ADGRB3: variants seen among roughly 807,000 people sequenced by gnomAD.
ADGRB3 encodes the protein brain-specific angiogenesis inhibitor 3.
Under a neutral mutation model 193.4 loss-of-function variants are expected in ADGRB3, and 37 were observed. The ratio of observed to expected loss-of-function variants is 0.19; its 90% CI spans 0.15 to 0.25. The LOEUF (loss-of-function observed/expected upper bound fraction) is 0.25, where lower values mean the gene tolerates loss of function less well. Among genes scored for constraint, ADGRB3 ranks in the 10% least tolerant of loss-of-function variants. The probability of loss-of-function intolerance (pLI) is 1.00; values close to 1 mark genes in which losing one functional copy is unlikely to be tolerated. For missense variants in ADGRB3, 1,637 were observed against 1,852.9 expected, an observed-to-expected ratio of 0.88 and a Z score of 2.14; for synonymous variants, 690 against 644.2, an observed-to-expected ratio of 1.07 and a Z score of -1.08.
chr6:69,000,783 AT>A (rs1349954089), intron 11 of ADGRB3, among the ~76,000 whole-genome samples: 1 of 152,222 alleles, frequency 6.6e-6, no homozygotes, highest in Admixed American at 6.5e-5. Context: ...GGTGCTGTGC[AT>A]TTTAGTTTCA....
At chr6:68,789,657 CT>C (rs949876784) in intron 3 of ADGRB3, among the ~76,000 whole-genome samples, 21 of 152,104 alleles carry the variant, frequency 1.4e-4, no homozygotes, top group African/African-American at 4.8e-4. Flanking sequence ...CGATGAGTAT[CT>C]TTGTGGCATT....
chr6:69,301,488 G>T (rs534095061), intron 20 of ADGRB3, among the ~76,000 whole-genome samples: 9 of 151,732 alleles, frequency 5.9e-5, no homozygotes, highest in Non-Finnish European at 1.0e-4. Flanking sequence ...CAAGTAAATT[G>T]CATATTGCAT....
rs987425047 is a variant in ADGRB3 at position 68,860,165 on chromosome 6, A to T, written c.758-70394A>T. Among the ~76,000 whole-genome samples, 3 of 152,268 alleles carry T rather than the reference A, an allele frequency of 2.0e-5. No individual in the cohort carries two copies. The South Asian group carries it at 6.2e-4, about 32-fold the overall frequency. On this transcript the variant is annotated intron_variant, in intron 3 of 31. Coordinates refer to ENST00000370598, the MANE Select transcript of ADGRB3 (RefSeq NM_001704.3). ...TATGTTGTGTTATGCTGTTCTATAT[A>T]TGCATAAAAAGAAAATCAAGCCTCA...
chr6:69,143,737 T>A (rs996721246), intron 17 of ADGRB3, among the ~76,000 whole-genome samples: 1 of 152,138 alleles, frequency 6.6e-6, no homozygotes, highest in African/African-American at 2.4e-5. Context: ...CTCCATTGGT[T>A]TATGTGTCTG....
chr6:68,677,521 CTTTTTTTT>C lies in ADGRB3; in HGVS notation c.757+38099_757+38106del, dbSNP rs1002070733. Among the ~76,000 whole-genome samples, 25 of 120,318 alleles carry C rather than the reference CTTTTTTTT, an allele frequency of 2.1e-4. 1 individual carries two copies. Among genetic ancestry groups the C allele is most frequent in the Admixed American group, 1.7e-3 (19 of 10,872 alleles). The allele number at this position is 120,318 out of a possible 152,430, so 78.9% of individuals were successfully genotyped here. ...ATTTTTTTCTTTTTTTTCTTTTTTTCTTTTTTTTTTTTTTTTTGACAGGTCTCACTCTG... is the reference window on the plus strand; with the variant it reads ...ATTTTTTTCTTTTTTTTCTTTTTTTCTTTTTTTTTGACAGGTCTCACTCTG... On this transcript the variant is annotated intron_variant, in intron 3 of 31. Coordinates refer to ENST00000370598, the MANE Select transcript of ADGRB3 (RefSeq NM_001704.3).
At chr6:68,910,019 C>A (rs1253756819) in intron 3 of ADGRB3, among the ~76,000 whole-genome samples, 3 of 152,202 alleles carry the variant, frequency 2.0e-5, no homozygotes, top group Non-Finnish European at 4.4e-5. Context: ...TACAGTCCCA[C>A]CAACAGTGTA....
At chr6:69,376,713 C>CT (rs936208919) in intron 30 of ADGRB3, among the ~76,000 whole-genome samples, 2 of 152,022 alleles carry the variant, frequency 1.3e-5, no homozygotes, top group African/African-American at 4.8e-5. Flanking sequence ...AAAGAAATGT[C>CT]TTGTTCATAA....
intron 3 of ADGRB3, among the ~76,000 whole-genome samples, chr6:68,734,929 A>T (rs578085428): frequency 2.0e-5 from 3 of 152,066 alleles, no homozygotes; most frequent in Non-Finnish European, 4.4e-5. Context: ...TCTACTAGGG[A>T]TTTCAGCACT....
At chr6:68,731,105 T>C (rs1431388773) in intron 3 of ADGRB3, among the ~76,000 whole-genome samples, 1 of 151,666 alleles carries the variant, frequency 6.6e-6, no homozygotes, top group Admixed American at 6.6e-5. Flanking sequence ...GCAAAAGATA[T>C]ATAAGTTCTT....
At chr6:68,677,720 T>C (rs1401934757) in intron 3 of ADGRB3, among the ~76,000 whole-genome samples, 1 of 151,906 alleles carries the variant, frequency 6.6e-6, no homozygotes, top group African/African-American at 2.4e-5. Flanking sequence ...AGTTTCACCA[T>C]GTTGGTCAGG....
At chr6:69,101,544 A>C (rs1773056187) in intron 17 of ADGRB3, among the ~76,000 whole-genome samples, 1 of 151,578 alleles carries the variant, frequency 6.6e-6, no homozygotes, top group African/African-American at 2.4e-5. Flanking sequence ...GAAATTGCTT[A>C]GTTTTTATTT....
At chr6:68,895,648 A>G (rs1766199066) in intron 3 of ADGRB3, among the ~76,000 whole-genome samples, 1 of 152,034 alleles carries the variant, frequency 6.6e-6, no homozygotes, top group African/African-American at 2.4e-5. Context: ...CAGTGTGCCA[A>G]TTGTTCAGAT....
chr6:69,302,339 G>A (rs779157983), intron 20 of ADGRB3, among the ~76,000 whole-genome samples: 6 of 151,870 alleles, frequency 4.0e-5, no homozygotes, highest in African/African-American at 9.7e-5. Flanking sequence ...ACCAGCTGCC[G>A]GTCTTTTGGT....
At chr6:68,950,484 G>T (rs191365272) in intron 6 of ADGRB3, among the ~76,000 whole-genome samples, 122 of 152,146 alleles carry the variant, frequency 8.0e-4, no homozygotes, top group African/African-American at 2.7e-3. Flanking sequence ...TTAAACAAAG[G>T]TTATTTATTG....
intron 3 of ADGRB3, among the ~76,000 whole-genome samples, chr6:68,926,634 G>A: frequency 6.6e-6 from 1 of 152,134 alleles, no homozygotes; most frequent in East Asian, 1.9e-4. Context: ...ACAATGTGAA[G>A]TAGTATTTCC....
At chr6:69,297,322 A>G (rs1198928204) in intron 20 of ADGRB3, among the ~76,000 whole-genome samples, 1 of 150,706 alleles carries the variant, frequency 6.6e-6, no homozygotes. Context: ...AGAAAAAATT[A>G]AGGACACTTC....
intron 3 of ADGRB3, among the ~76,000 whole-genome samples, chr6:68,779,870 G>A (rs1766821267): frequency 6.6e-6 from 1 of 152,080 alleles, no homozygotes; most frequent in African/African-American, 2.4e-5. Flanking sequence ...ATTCCTGTGT[G>A]ATGGGAAGAA....
intron 17 of ADGRB3, among the ~76,000 whole-genome samples, chr6:69,206,938 A>G (rs61181148): frequency 0.14 from 21,394 of 152,098 alleles, 1,563 homozygotes; most frequent in Middle Eastern, 0.16. Flanking sequence ...GTAGTTTTCT[A>G]TTGACCTTAA....
intron 3 of ADGRB3, among the ~76,000 whole-genome samples, chr6:68,905,315 T>C (rs1171568413): frequency 6.6e-6 from 1 of 152,158 alleles, no homozygotes; most frequent in Non-Finnish European, 1.5e-5. Context: ...CTAATCCTTT[T>C]TCCAGCTGAC....
Sources: gnomAD v4.1 joint callset for allele counts (sites outside exome capture counted in the v4.1 genomes callset) on GRCh38, gnomAD v4.1.1 for gene constraint, MANE v1.5 for transcripts, NCBI Gene and HGNC (gene_info 2026-07-23, HGNC 2026-07-21) for gene names.